The following HECW2 variants were observed in gnomAD, a reference collection of about 807,000 sequenced individuals.
HECW2 encodes the protein E3 ubiquitin-protein ligase HECW2.
In HECW2, 61 loss-of-function variants were observed where a neutral mutation model predicts 175.2. That is an observed-to-expected ratio of 0.35 (90% CI 0.28 to 0.43). The LOEUF (loss-of-function observed/expected upper bound fraction) is 0.43, where lower values mean the gene tolerates loss of function less well. Ranked by LOEUF, HECW2 falls within the 20% of genes least tolerant of loss-of-function variation. HECW2 has a pLI of 1.00. For synonymous variants in HECW2, 671 were observed against 731.0 expected (o/e 0.92, Z 1.32); for missense variants, 1,524 against 2,000.5 (o/e 0.76, Z 4.54).
At chr2:196,210,963 T>TA (rs11449151) in intron 28 of HECW2, among the ~76,000 whole-genome samples, 44,882 of 152,030 alleles carry the variant, frequency 0.3, 8,007 homozygotes, top group Middle Eastern at 0.46. Context: ...GTTATGTTTT[T>TA]AAAAAATAAT....
chr2:196,513,999 G>C (rs1232517927), intron 1 of HECW2, among the ~76,000 whole-genome samples: 5 of 152,238 alleles, frequency 3.3e-5, no homozygotes, highest in African/African-American at 1.2e-4. Flanking sequence ...GTGGGAGCCA[G>C]CAACAGGCTG....
At chr2:196,505,835 C>G (rs187299347) in intron 1 of HECW2, among the ~76,000 whole-genome samples, 98 of 152,216 alleles carry the variant, frequency 6.4e-4, no homozygotes, top group African/African-American at 2.3e-3. Context: ...TCCTATAGAC[C>G]AAGCACTGGA....
chr2:196,323,915 GTT>G (rs1160140452), intron 6 of HECW2, among the ~76,000 whole-genome samples: 1 of 68,800 alleles, frequency 1.5e-5, no homozygotes, highest in Non-Finnish European at 3.1e-5. Flanking sequence ...TTTGTTTTTT[GTT>G]TGTTTTTTTT....
intron 2 of HECW2, among the ~76,000 whole-genome samples, chr2:196,376,649 A>G (rs1328030929): frequency 2.9e-5 from 3 of 104,780 alleles, no homozygotes; most frequent in South Asian, 6.4e-4. Flanking sequence ...AAAAAAAAAA[A>G]GGGCCGGGCA....
Position 196,306,376 on chromosome 2 carries a change from C to T in HECW2, c.2814+112G>A, listed in dbSNP as rs573481990. ...TGCTCAACACAAAGCTTGGAACACA[C>T]TAAGTGCTCTGGAAACATTCGCCAT... On this transcript the variant is annotated intron_variant, in intron 13 of 28. Coordinates refer to ENST00000644978, the MANE Select transcript of HECW2 (RefSeq NM_001348768.2). 1.2e-4 allele frequency: 143 copies of T among 1,170,760 alleles called. 1 individual carries two copies. The highest frequency in any genetic ancestry group is 1.7e-4 in the Non-Finnish European group (142 of 827,774). The allele number at this position is 1,170,760 out of a possible 1,614,324, so 72.5% of individuals were successfully genotyped here.
intron 2 of HECW2, among the ~76,000 whole-genome samples, chr2:196,371,559 T>C (rs1693910720): frequency 6.6e-6 from 1 of 152,244 alleles, no homozygotes; most frequent in Non-Finnish European, 1.5e-5. Context: ...AGAAACTGAC[T>C]GGAAGCTCTT....
intron 1 of HECW2, among the ~76,000 whole-genome samples, chr2:196,574,614 T>A (rs1275320433): frequency 6.6e-6 from 1 of 152,094 alleles, no homozygotes; most frequent in African/African-American, 2.4e-5. Context: ...CACAAAATGA[T>A]CTACAGATTC....
At chr2:196,239,493 C>A (rs1688370657) in intron 21 of HECW2, 1 of 152,184 alleles carries the variant, frequency 6.6e-6, no homozygotes, top group Non-Finnish European at 1.5e-5. Context: ...ATTATTTCAT[C>A]CACTGTGTAC....
Position 196,584,285 on chromosome 2 carries a change from G to A in HECW2, c.-36+9223C>T, listed in dbSNP as rs181181381. On this transcript the variant is annotated intron_variant, in intron 1 of 28. Transcript: ENST00000644978. ...TAGGGTATTTATGGGACAGGAAGAA[G>A]ACCTGTCTAATTAAAGTAAACTAGA... 8.4e-3 allele frequency among the ~76,000 whole-genome samples: 1,282 copies of A among 152,222 alleles called. 12 individuals carry two copies. Among genetic ancestry groups the A allele is most frequent in the Non-Finnish European group, 0.014 (955 of 68,002 alleles).
At chr2:196,230,828 G>T (rs1688024974) in intron 21 of HECW2, among the ~76,000 whole-genome samples, 1 of 152,188 alleles carries the variant, frequency 6.6e-6, no homozygotes, top group Admixed American at 6.5e-5. Context: ...ATATGGCTGG[G>T]TGCCATGGCT....
chr2:196,334,591 AC>A, intron 3 of HECW2, 73 bp from the exon 4 acceptor site: 1 of 1,162,892 alleles, frequency 8.6e-7, no homozygotes, highest in Non-Finnish European at 1.3e-6. Flanking sequence ...GTGGAAATCC[AC>A]CATACCACCT....
At position 196,453,780 on chromosome 2, in the gene HECW2, G is replaced by C. The variant is rs538368742; in HGVS notation, c.-35-20322C>G. Among the ~76,000 whole-genome samples the C allele has an allele frequency of 1.3e-4, 20 of 152,226 alleles. No homozygotes were observed. The South Asian group carries it at 4.1e-3, about 32-fold the overall frequency. On this transcript the variant is annotated intron_variant, in intron 1 of 28. Coordinates refer to ENST00000644978, the MANE Select transcript of HECW2 (RefSeq NM_001348768.2). The stretch of plus-strand genomic sequence containing the variant: ...CCAAAGCTCACTAGCCCCACCTAAT[G>C]ACAGCACACCTAGATTTCTGGAGCA...
intron 1 of HECW2, among the ~76,000 whole-genome samples, chr2:196,516,479 T>C (rs936456852): frequency 7.2e-5 from 11 of 152,370 alleles, no homozygotes; most frequent in African/African-American, 1.7e-4. Context: ...GCTATGTTTA[T>C]TCGTATTATA....
chr2:196,364,893 G>A lies in HECW2; in HGVS notation c.293-21129C>T, dbSNP rs192150472. ...CTCAAGGCATTGGCATATGAACCAT[G>A]CTCTGAAGGGATGAGGCTGGTGAAG... is the stretch of plus-strand genomic sequence containing the variant. On this transcript the variant is annotated intron_variant, in intron 2 of 28. Transcript: ENST00000644978. Among the ~76,000 whole-genome samples, 126 of 152,292 alleles carry A rather than the reference G, an allele frequency of 8.3e-4. 1 individual carries two copies. The highest frequency in any genetic ancestry group is 2.1e-4 in the South Asian group (1 of 4,828).
chr2:196,583,111 T>G (rs2125530739), intron 1 of HECW2, among the ~76,000 whole-genome samples: 2 of 152,338 alleles, frequency 1.3e-5, no homozygotes, highest in East Asian at 3.9e-4. Context: ...AGGGTCGTAT[T>G]GCCATGCTCC....
chr2:196,425,871 A>G (rs1186076619), intron 2 of HECW2, among the ~76,000 whole-genome samples: 1 of 152,220 alleles, frequency 6.6e-6, no homozygotes, highest in Non-Finnish European at 1.5e-5. Flanking sequence ...AATTTTGAAA[A>G]AAGTTCTACT....
At chr2:196,488,176 T>C (rs141385016) in intron 1 of HECW2, among the ~76,000 whole-genome samples, 14 of 152,314 alleles carry the variant, frequency 9.2e-5, no homozygotes, top group African/African-American at 3.4e-4. Flanking sequence ...CTCCAAGGTG[T>C]CTATTATGAT....
intron 1 of HECW2, among the ~76,000 whole-genome samples, chr2:196,568,317 C>T (rs1406275339): frequency 6.6e-6 from 1 of 152,156 alleles, no homozygotes; most frequent in East Asian, 1.9e-4. Flanking sequence ...ATGCAGCCAA[C>T]TTAAAAACTC....
chr2:196,330,114 G>A (rs1210139728), intron 4 of HECW2, among the ~76,000 whole-genome samples: 1 of 152,096 alleles, frequency 6.6e-6, no homozygotes, highest in African/African-American at 2.4e-5. Context: ...AAATCCACAT[G>A]GAGTCCTATC....
Sources: allele counts gnomAD v4.1 joint callset (sites outside exome capture counted in the v4.1 genomes callset), GRCh38; gene constraint gnomAD v4.1.1; transcripts MANE v1.5; gene names NCBI Gene and HGNC (gene_info 2026-07-23, HGNC 2026-07-21).